Variants in SOX6 observed in about 807,000 individuals in gnomAD.
SOX6 encodes the protein SRY-box transcription factor 6.
In SOX6, 11 loss-of-function variants were observed where a neutral mutation model predicts 97.8. The observed-to-expected ratio is 0.11, with a 90% CI of 0.07 to 0.19. The LOEUF is 0.19. Ranked by LOEUF, SOX6 falls within the 10% of genes least tolerant of loss-of-function variation. The probability of loss-of-function intolerance (pLI) is 1.00; values close to 1 mark genes in which losing one functional copy is unlikely to be tolerated. For synonymous variants in SOX6, 360 were observed against 371.4 expected (o/e 0.97, Z 0.35); for missense variants, 810 against 1,039.5 (o/e 0.78, Z 3.04).
chr11:16,558,885 C>T (rs1378911197), intron 4 of SOX6, among the ~76,000 whole-genome samples: 8 of 152,032 alleles, frequency 5.3e-5, no homozygotes, highest in Admixed American at 5.2e-4. Context: ...ACAGTGCTTA[C>T]ATTTGCAATA....
At chr11:16,370,016 G>T (rs545461850) in intron 1 of SOX6, among the ~76,000 whole-genome samples, 1 of 151,800 alleles carries the variant, frequency 6.6e-6, no homozygotes, top group East Asian at 1.9e-4. Context: ...TAAGCCCCTC[G>T]CAAGTACCAG....
intron 4 of SOX6, among the ~76,000 whole-genome samples, chr11:16,526,077 G>A (rs1315622214): frequency 6.6e-6 from 1 of 152,078 alleles, no homozygotes; most frequent in Admixed American, 6.6e-5. Flanking sequence ...TCAGTGTGGC[G>A]ATTCCTCAGG....
chr11:16,148,907 A>T (rs1001884715), intron 6 of SOX6, among the ~76,000 whole-genome samples: 1 of 152,172 alleles, frequency 6.6e-6, no homozygotes, highest in African/African-American at 2.4e-5. Flanking sequence ...TCTGGCACAG[A>T]TTTTAACTGC....
At chr11:16,367,999 T>C (rs533677797) in intron 1 of SOX6, among the ~76,000 whole-genome samples, 1 of 152,284 alleles carries the variant, frequency 6.6e-6, no homozygotes, top group East Asian at 1.9e-4. Flanking sequence ...ATTAATCTCA[T>C]TATTCAGGGA....
intron 6 of SOX6, among the ~76,000 whole-genome samples, chr11:16,152,694 G>C (rs967480736): frequency 5.3e-5 from 8 of 151,960 alleles, no homozygotes; most frequent in African/African-American, 1.7e-4. Context: ...CACACACAGA[G>C]AGACTCACAT....
At chr11:16,290,273 G>A (rs1272192622) in intron 3 of SOX6, among the ~76,000 whole-genome samples, 1 of 151,952 alleles carries the variant, frequency 6.6e-6, no homozygotes, top group Non-Finnish European at 1.5e-5. Context: ...TAGCTTTCAA[G>A]TTTTCTTAGT....
At chr11:16,428,268 C>T (rs1363094870) in intron 1 of SOX6, among the ~76,000 whole-genome samples, 3 of 151,974 alleles carry the variant, frequency 2.0e-5, no homozygotes, top group Admixed American at 6.6e-5. Context: ...TTCTCCCATT[C>T]TGTAGGTTGC....
At chr11:16,626,065 A>G (rs1460424466) in intron 3 of SOX6, among the ~76,000 whole-genome samples, 1 of 152,174 alleles carries the variant, frequency 6.6e-6, no homozygotes, top group Non-Finnish European at 1.5e-5. Flanking sequence ...AACCTATGGA[A>G]GCTGATATAA....
At chr11:16,693,264 C>A (rs1467111460) in intron 3 of SOX6, among the ~76,000 whole-genome samples, 1 of 152,094 alleles carries the variant, frequency 6.6e-6, no homozygotes, top group Non-Finnish European at 1.5e-5. Context: ...AAAATTGAGA[C>A]CCAACAAATA....
chr11:16,351,503 C>G (rs1371655270), intron 1 of SOX6, among the ~76,000 whole-genome samples: 1 of 152,086 alleles, frequency 6.6e-6, no homozygotes, highest in Non-Finnish European at 1.5e-5. Context: ...CATCAAGCCA[C>G]TCTCCTGATC....
intron 1 of SOX6, among the ~76,000 whole-genome samples, chr11:16,391,112 T>G (rs947971132): frequency 9.9e-5 from 15 of 152,166 alleles, no homozygotes; most frequent in African/African-American, 3.6e-4. Flanking sequence ...AAACACCACA[T>G]GTTCTCACTC....
intron 4 of SOX6, among the ~76,000 whole-genome samples, chr11:16,505,469 A>T (rs1860770799): frequency 6.6e-6 from 1 of 152,204 alleles, no homozygotes; most frequent in Admixed American, 6.6e-5. Context: ...ACTGGAATTT[A>T]TATTTAAAAT....
intron 9 of SOX6, among the ~76,000 whole-genome samples, chr11:16,076,296 A>G (rs914969341): frequency 1.3e-5 from 2 of 152,138 alleles, no homozygotes; most frequent in African/African-American, 4.8e-5. Context: ...AGCTAAAGAA[A>G]TTATCAACAG....
chr11:16,296,255 C>CT (rs1182120619), intron 3 of SOX6, among the ~76,000 whole-genome samples: 1 of 151,968 alleles, frequency 6.6e-6, no homozygotes, highest in Non-Finnish European at 1.5e-5. Flanking sequence ...ATAGTTATGT[C>CT]TTTTTTAATA....
intron 3 of SOX6, among the ~76,000 whole-genome samples, chr11:16,669,443 C>A (rs924218977): frequency 2.6e-5 from 4 of 152,202 alleles, no homozygotes; most frequent in African/African-American, 7.2e-5. Context: ...CTGCAGCACA[C>A]CCCCAGCATA....
At chr11:16,390,429 T>C (rs1225332701) in intron 1 of SOX6, among the ~76,000 whole-genome samples, 4 of 152,176 alleles carry the variant, frequency 2.6e-5, no homozygotes, top group Non-Finnish European at 5.9e-5. Flanking sequence ...CCAGAGTCCA[T>C]AGTTGTTACC....
At position 16,496,343 on chromosome 11, in the gene SOX6, C is replaced by A. The variant is rs554752266; in HGVS notation, n.610-19955G>T. On this transcript the variant is annotated intron_variant and non_coding_transcript_variant, in intron 4 of 5. Transcript: ENST00000524520. The stretch of plus-strand genomic sequence containing the variant: ...AAAAAAAAAAAAACAGAGGGTGGAG[C>A]CAACATGGCTGAATAGGAACAGCTC... Among the ~76,000 whole-genome samples, 597 of 151,512 alleles carry A rather than the reference C, an allele frequency of 3.9e-3. 4 individuals are homozygous for A. Among genetic ancestry groups the A allele is most frequent in the African/African-American group, 0.014 (577 of 41,358 alleles).
rs542259029 is a variant in SOX6 at position 16,585,410 on chromosome 11, C to A, written n.609+26671G>T. Among the ~76,000 whole-genome samples, 128 of 152,084 alleles carry A rather than the reference C, an allele frequency of 8.4e-4. 1 individual carries two copies. Among genetic ancestry groups the A allele is most frequent in the Non-Finnish European group, 3.8e-4 (26 of 68,016 alleles). ...ACCCTAAGAAGTAGGTACTGTTTTA[C>A]AGGTAAGGAAACTGAGGCCTGAAGA... On this transcript the variant is annotated intron_variant and non_coding_transcript_variant, in intron 4 of 5. Transcript: ENST00000524520.
At chr11:16,561,381 C>A (rs1847813193) in intron 4 of SOX6, among the ~76,000 whole-genome samples, 1 of 152,026 alleles carries the variant, frequency 6.6e-6, no homozygotes, top group Non-Finnish European at 1.5e-5. Flanking sequence ...ACCCACAAAC[C>A]CAGACACCTC....
Sources: allele counts gnomAD v4.1 joint callset (sites outside exome capture counted in the v4.1 genomes callset), GRCh38; gene constraint gnomAD v4.1.1; transcripts MANE v1.5; gene names NCBI Gene and HGNC (gene_info 2026-07-23, HGNC 2026-07-21).